Variants in BFSP2 observed in about 807,000 individuals in gnomAD.
BFSP2 encodes the protein beaded filament structural protein 2.
In BFSP2, 38 loss-of-function variants were observed where a neutral mutation model predicts 44.9. The observed-to-expected ratio is 0.85, with a 90% CI of 0.65 to 1.11. The LOEUF is 1.11. BFSP2 is among the 50% of genes least tolerant of loss of function. The probability of loss-of-function intolerance (pLI) is 0.00; values close to 1 mark genes in which losing one functional copy is unlikely to be tolerated. For synonymous variants in BFSP2, 197 were observed against 209.9 expected, an observed-to-expected ratio of 0.94 and a Z score of 0.53; for missense variants, 525 against 533.0, an observed-to-expected ratio of 0.99 and a Z score of 0.15.
chr3:133,438,492 A>T (rs565953243), intron 1 of BFSP2, among the ~76,000 whole-genome samples: 1 of 152,270 alleles, frequency 6.6e-6, no homozygotes, highest in African/African-American at 2.4e-5. Context: ...CTGAGATCAC[A>T]CCACTGCACT....
At chr3:133,403,364 C>A (rs73863528) in intron 1 of BFSP2, among the ~76,000 whole-genome samples, 14,497 of 152,220 alleles carry the variant, frequency 0.095, 813 homozygotes, top group African/African-American at 0.14. Flanking sequence ...CTCTTCCCCC[C>A]CTTGTCCACA....
chr3:133,434,062 T>C (rs1001856104), intron 1 of BFSP2, among the ~76,000 whole-genome samples: 1 of 152,198 alleles, frequency 6.6e-6, no homozygotes, highest in Non-Finnish European at 1.5e-5. Context: ...GTTTACACTG[T>C]TTCTCCAAGC....
At chr3:133,458,675 G>A (rs768855470) in intron 4 of BFSP2, among the ~76,000 whole-genome samples, 4 of 151,434 alleles carry the variant, frequency 2.6e-5, no homozygotes, top group African/African-American at 9.7e-5. Flanking sequence ...CAGCCTGGGC[G>A]ACAGAGTGAG....
chr3:133,452,998 A>G (rs2073979700), intron 4 of BFSP2, among the ~76,000 whole-genome samples: 1 of 152,206 alleles, frequency 6.6e-6, no homozygotes, highest in African/African-American at 2.4e-5. Flanking sequence ...GAACAGATTC[A>G]TTAGTGTTTT....
At chr3:133,406,098 C>G (rs538506522) in intron 1 of BFSP2, among the ~76,000 whole-genome samples, 2 of 151,598 alleles carry the variant, frequency 1.3e-5, no homozygotes, top group Admixed American at 1.3e-4. Context: ...TTACAGGTGC[C>G]CACCACCATA....
At chr3:133,403,135 C>T (rs558453426) in intron 1 of BFSP2, among the ~76,000 whole-genome samples, 1 of 152,316 alleles carries the variant, frequency 6.6e-6, no homozygotes, top group East Asian at 1.9e-4. Context: ...AGGCCACCTC[C>T]CAGCCCAGTC....
At chr3:133,421,693 A>G (rs2073593991) in intron 1 of BFSP2, among the ~76,000 whole-genome samples, 1 of 152,230 alleles carries the variant, frequency 6.6e-6, no homozygotes, top group South Asian at 2.1e-4. Flanking sequence ...TTTTCACATT[A>G]TAGTCCTGAT....
At position 133,469,203 on chromosome 3, in the gene BFSP2, A is replaced by G. The variant is rs544146340; in HGVS notation, c.1023+2244A>G. On this transcript the variant is annotated intron_variant, in intron 5 of 6. Transcript: ENST00000302334. ...CTCTGTTCCCTGCTGGTTCTAGTAG[A>G]TTATCGTTCTGGTCACGGGGCCTTG... 6.6e-5 allele frequency among the ~76,000 whole-genome samples: 10 copies of G among 152,352 alleles called. No individual in the cohort carries two copies. The East Asian group carries it at 1.9e-3, about 29-fold the overall frequency.
chr3:133,446,573 TATA>T lies in BFSP2; in HGVS notation c.490-743_490-741del, dbSNP rs2073899766. Among the ~76,000 whole-genome samples the T allele has an allele frequency of 6.0e-4, 17 of 28,532 alleles. 6 individuals are homozygous for T. Among genetic ancestry groups the T allele is most frequent in the South Asian group, 5.4e-3 (4 of 742 alleles). 18.7% of individuals were successfully genotyped at this position (28,532 alleles called of 152,430 possible). A position where few individuals can be genotyped will look rare whatever the true frequency, so the allele number is the denominator to read the frequency against. On this transcript the variant is annotated intron_variant, in intron 1 of 6. Coordinates refer to ENST00000302334, the MANE Select transcript of BFSP2 (RefSeq NM_003571.4). ...ATCAGAGCCTTCAGCTCACCATTTA[TATA>T]TATATATATATATATATATATATAT...
At position 133,456,296 on chromosome 3, in the gene BFSP2, G is replaced by T. The variant is rs191412183; in HGVS notation, c.891+5832G>T. 1.0e-3 allele frequency among the ~76,000 whole-genome samples: 159 copies of T among 152,320 alleles called. 1 individual carries two copies. Among genetic ancestry groups the T allele is most frequent in the Non-Finnish European group, 4.0e-4 (27 of 68,040 alleles). ...CAAACTATTAAGAATGAAGACAAGT[G>T]AATAGATTGAAATGAATTGTGAGGT... On this transcript the variant is annotated intron_variant, in intron 4 of 6. Coordinates refer to ENST00000302334, the MANE Select transcript of BFSP2 (RefSeq NM_003571.4).
At position 133,417,138 on chromosome 3, in the gene BFSP2, C is replaced by T. The variant is rs111162462; in HGVS notation, c.489+16566C>T. ...GCCTTCTCCCCTCTACTTACCCCTG[C>T]CCTCTCCCCTCTCTCATCTCTCTAC... is the stretch of plus-strand genomic sequence containing the variant. On this transcript the variant is annotated intron_variant, in intron 1 of 6. Transcript: ENST00000302334. Among the ~76,000 whole-genome samples the T allele has an allele frequency of 4.5e-3, 582 of 128,060 alleles. 10 individuals are homozygous for T. The highest frequency in any genetic ancestry group is 0.017 in the African/African-American group (557 of 32,936). The allele number at this position is 128,060 out of a possible 152,430, so 84.0% of individuals were successfully genotyped here.
chr3:133,448,952 T>C lies in BFSP2; in HGVS notation c.729+307T>C, dbSNP rs2073930468. ...AGGGAGCAACCCCTCCTCAATGCATTCTATGTCAGGTTTTTTTTTCAACAC... is the reference window on the plus strand; with the variant it reads ...AGGGAGCAACCCCTCCTCAATGCATCCTATGTCAGGTTTTTTTTTCAACAC... On this transcript the variant is annotated intron_variant, in intron 3 of 6. Coordinates refer to ENST00000302334, the MANE Select transcript of BFSP2 (RefSeq NM_003571.4). The C allele has an allele frequency of 1.3e-5, 5 of 374,942 alleles. 1 individual carries two copies. The South Asian group carries it at 1.4e-4, about 11-fold the overall frequency. The allele number at this position is 374,942 out of a possible 1,614,324, so 23.2% of individuals were successfully genotyped here.
intron 1 of BFSP2, among the ~76,000 whole-genome samples, chr3:133,402,162 G>C (rs532843293): frequency 1.3e-5 from 2 of 152,208 alleles, no homozygotes; most frequent in South Asian, 4.1e-4. Context: ...CTGGACAATC[G>C]CTTGCAATCA....
rs2074192746 is a variant in BFSP2, at chr3:133,474,278, C to CA, written c.1245-689dup. 2.0e-5 allele frequency among the ~76,000 whole-genome samples: 3 copies of CA among 152,272 alleles called. No individual in the cohort carries two copies. The South Asian group carries it at 6.2e-4, about 32-fold the overall frequency. On this transcript the variant is annotated intron_variant, in intron 6 of 6. Transcript: ENST00000302334. ...GAGACAGCTTAGTGATTGTATCATC[C>CA]AACCCCTCCTGATTCAAGAGAGAAC... is the stretch of plus-strand genomic sequence containing the variant.
chr3:133,403,806 CCCACAG>C (rs1440641729), intron 1 of BFSP2, among the ~76,000 whole-genome samples: 1 of 152,058 alleles, frequency 6.6e-6, no homozygotes, highest in Non-Finnish European at 1.5e-5. Context: ...CTGGAATCTC[CCCACAG>C]CCTGTCTCAC....
intron 1 of BFSP2, among the ~76,000 whole-genome samples, chr3:133,409,227 G>GGTGTGT (rs56156448): frequency 0.32 from 47,428 of 148,388 alleles, 8,309 homozygotes; most frequent in East Asian, 0.46. Flanking sequence ...TTCTGACACT[G>GGTGTGT]GTGTGTGTGT....
chr3:133,417,685 CA>C (rs1367144344), intron 1 of BFSP2, among the ~76,000 whole-genome samples: 2 of 147,206 alleles, frequency 1.4e-5, no homozygotes, highest in Non-Finnish European at 3.0e-5. Flanking sequence ...CCTCTCTACT[CA>C]ACCCTGTCCT....
At chr3:133,454,191 G>A (rs1385317791) in intron 4 of BFSP2, among the ~76,000 whole-genome samples, 1 of 152,152 alleles carries the variant, frequency 6.6e-6, no homozygotes, top group African/African-American at 2.4e-5. Context: ...ACTGTGGCAT[G>A]TGCCTGTAGT....
intron 1 of BFSP2, among the ~76,000 whole-genome samples, chr3:133,419,648 C>T (rs2073575081): frequency 6.6e-6 from 1 of 152,256 alleles, no homozygotes; most frequent in Non-Finnish European, 1.5e-5. Context: ...TCTGCAAGCA[C>T]ATCTCTAACT....
Sources: allele counts gnomAD v4.1 joint callset (sites outside exome capture counted in the v4.1 genomes callset), GRCh38; gene constraint gnomAD v4.1.1; transcripts MANE v1.5; gene names NCBI Gene and HGNC (gene_info 2026-07-23, HGNC 2026-07-21).